LPP: variants seen among roughly 807,000 people sequenced by gnomAD.
LPP encodes the protein LIM domain containing preferred translocation partner in lipoma, also known as lipoma-preferred partner.
Under a neutral mutation model 60.4 loss-of-function variants are expected in LPP, and 38 were observed. That is an observed-to-expected ratio of 0.63 (90% CI 0.49 to 0.83). The LOEUF (loss-of-function observed/expected upper bound fraction) is 0.83, where lower values mean the gene tolerates loss of function less well. Ranked by LOEUF, LPP falls within the 40% of genes least tolerant of loss-of-function variation. The probability of loss-of-function intolerance (pLI) is 0.00; values close to 1 mark genes in which losing one functional copy is unlikely to be tolerated. For missense variants in LPP, 902 were observed against 783.6 expected (o/e 1.15, Z -1.80); for synonymous variants, 328 against 290.8 (o/e 1.13, Z -1.30).
At chr3:188,720,399 G>GA (rs754739400) in intron 8 of LPP, among the ~76,000 whole-genome samples, 2 of 152,118 alleles carry the variant, frequency 1.3e-5, no homozygotes, top group Non-Finnish European at 1.5e-5. Context: ...ACTGGCAGTG[G>GA]AAAATGTATT....
chr3:188,783,953 G>A (rs1740693706), intron 9 of LPP, among the ~76,000 whole-genome samples: 1 of 151,974 alleles, frequency 6.6e-6, no homozygotes, highest in African/African-American at 2.4e-5. Context: ...AGGTTATTGG[G>A]GGCACAGGTG....
chr3:188,868,183 T>A (rs1201808600), intron 10 of LPP, among the ~76,000 whole-genome samples: 1 of 152,188 alleles, frequency 6.6e-6, no homozygotes, highest in African/African-American at 2.4e-5. Context: ...TCTGTTACTG[T>A]TTCTCTCCTT....
intron 7 of LPP, among the ~76,000 whole-genome samples, chr3:188,695,078 G>A (rs964938691): frequency 6.6e-6 from 1 of 152,152 alleles, no homozygotes; most frequent in Non-Finnish European, 1.5e-5. Context: ...TTTCTCATTT[G>A]TAAATTCAGA....
At chr3:188,873,995 T>C (rs1768847892) in intron 11 of LPP, among the ~76,000 whole-genome samples, 1 of 151,942 alleles carries the variant, frequency 6.6e-6, no homozygotes, top group South Asian at 2.1e-4. Flanking sequence ...AATGCATCGG[T>C]GGTTAGGGAC....
chr3:188,544,546 A>T (rs1826027196), intron 6 of LPP, among the ~76,000 whole-genome samples: 1 of 148,258 alleles, frequency 6.7e-6, no homozygotes, highest in African/African-American at 2.5e-5. Flanking sequence ...AATCAAAACC[A>T]CTATGAGATA....
intron 2 of LPP, among the ~76,000 whole-genome samples, chr3:188,289,997 T>C (rs1309243888): frequency 1.7e-5 from 2 of 115,496 alleles, no homozygotes; most frequent in Non-Finnish European, 4.0e-5. Context: ...ACATGCAGGG[T>C]TTTTTTTTTG....
chr3:188,436,980 G>A (rs927625326), intron 4 of LPP, among the ~76,000 whole-genome samples: 3 of 152,068 alleles, frequency 2.0e-5, no homozygotes, highest in African/African-American at 4.8e-5. Flanking sequence ...GATGATCCAG[G>A]GGATCAGAGA....
At chr3:188,240,190 T>C (rs1723531986) in intron 2 of LPP, 1 of 181,510 alleles carries the variant, frequency 5.5e-6, no homozygotes, top group African/African-American at 2.4e-5. Context: ...ATGATATCTG[T>C]GTGTTTCATT....
At chr3:188,592,093 G>A (rs892957409) in intron 6 of LPP, among the ~76,000 whole-genome samples, 16 of 152,016 alleles carry the variant, frequency 1.1e-4, no homozygotes, top group African/African-American at 3.6e-4. Flanking sequence ...ACAGGACAGC[G>A]GAAAAATCTT....
At chr3:188,485,851 G>A (rs1004332423) in intron 5 of LPP, among the ~76,000 whole-genome samples, 2 of 146,158 alleles carry the variant, frequency 1.4e-5, no homozygotes, top group African/African-American at 5.0e-5. Context: ...AAAATAATAA[G>A]GGTTGGAAAC....
intron 6 of LPP, among the ~76,000 whole-genome samples, chr3:188,528,776 T>C (rs2150243302): frequency 6.6e-6 from 1 of 152,338 alleles, no homozygotes; most frequent in South Asian, 2.1e-4. Context: ...TTTTGGCTTG[T>C]GCTTGATTTT....
intron 4 of LPP, among the ~76,000 whole-genome samples, chr3:188,445,508 G>A (rs758100542): frequency 1.3e-5 from 2 of 152,110 alleles, no homozygotes; most frequent in Non-Finnish European, 1.5e-5. Flanking sequence ...AGACTAGGGA[G>A]GGATAGCATT....
At chr3:188,756,703 A>G (rs552232993) in intron 8 of LPP, among the ~76,000 whole-genome samples, 4 of 152,270 alleles carry the variant, frequency 2.6e-5, no homozygotes, top group Middle Eastern at 3.4e-3. Context: ...TTTGTTCTTC[A>G]CTTTTTTCTG....
chr3:188,619,454 G>C (rs1240944802), intron 7 of LPP, among the ~76,000 whole-genome samples: 3 of 152,236 alleles, frequency 2.0e-5, no homozygotes, highest in African/African-American at 7.2e-5. Flanking sequence ...CTGGAGAGGA[G>C]TTCAGGAAGG....
chr3:188,294,491 G>C (rs1232357668), intron 2 of LPP, among the ~76,000 whole-genome samples: 1 of 152,134 alleles, frequency 6.6e-6, no homozygotes, highest in Non-Finnish European at 1.5e-5. Flanking sequence ...CTTAACAATG[G>C]TGAACACACT....
chr3:188,463,329 A>C (rs964039426), intron 4 of LPP, among the ~76,000 whole-genome samples: 3 of 150,442 alleles, frequency 2.0e-5, no homozygotes, highest in Admixed American at 6.7e-5. Flanking sequence ...AACTAGGACT[A>C]TAGGTGTGTG....
At chr3:188,282,867 G>GT (rs1390767112) in intron 2 of LPP, among the ~76,000 whole-genome samples, 1 of 152,128 alleles carries the variant, frequency 6.6e-6, no homozygotes, top group Non-Finnish European at 1.5e-5. Context: ...TATTCAATGG[G>GT]TGGTATCTGT....
At chr3:188,482,138 T>C (rs1804961850) in intron 4 of LPP, among the ~76,000 whole-genome samples, 1 of 152,192 alleles carries the variant, frequency 6.6e-6, no homozygotes, top group Non-Finnish European at 1.5e-5. Context: ...GAGATGTGCT[T>C]GCTTCCCCTT....
At chr3:188,365,957 T>A (rs1277632719) in intron 3 of LPP, among the ~76,000 whole-genome samples, 2 of 152,146 alleles carry the variant, frequency 1.3e-5, no homozygotes, top group Non-Finnish European at 2.9e-5. Flanking sequence ...AATACAGTAT[T>A]AACTACAGCC....
Sources: gnomAD v4.1 joint callset for allele counts (sites outside exome capture counted in the v4.1 genomes callset) on GRCh38, gnomAD v4.1.1 for gene constraint, MANE v1.5 for transcripts, NCBI Gene and HGNC (gene_info 2026-07-23, HGNC 2026-07-21) for gene names.